Variants in C8orf34 observed in about 807,000 individuals in gnomAD.
The protein encoded by C8orf34 is uncharacterized protein C8orf34.
A neutral mutation model predicts 68.3 loss-of-function variants in C8orf34; 65 were observed. The ratio of observed to expected loss-of-function variants is 0.95; its 90% CI spans 0.78 to 1.17. The LOEUF (loss-of-function observed/expected upper bound fraction) is 1.17. C8orf34 is among the 50% of genes most tolerant of loss of function. The probability of loss-of-function intolerance (pLI) is 0.00; values close to 1 mark genes in which losing one functional copy is unlikely to be tolerated. For missense variants in C8orf34, 664 were observed against 655.4 expected (o/e 1.01, Z -0.14); for synonymous variants, 244 against 241.2 (o/e 1.01, Z -0.11).
At chr8:68,454,695 A>G (rs568981590) in intron 3 of C8orf34, among the ~76,000 whole-genome samples, 7 of 151,956 alleles carry the variant, frequency 4.6e-5, no homozygotes, top group Non-Finnish European at 1.0e-4. Context: ...CTAAAGAACC[A>G]ACTTTTGGTT....
At chr8:68,496,883 A>G (rs1813547154) in intron 5 of C8orf34, among the ~76,000 whole-genome samples, 1 of 152,142 alleles carries the variant, frequency 6.6e-6, no homozygotes, top group Non-Finnish European at 1.5e-5. Flanking sequence ...CTACATGTGC[A>G]TTATATGATA....
At chr8:68,505,561 C>T (rs1215517716) in intron 5 of C8orf34, among the ~76,000 whole-genome samples, 1 of 120,646 alleles carries the variant, frequency 8.3e-6, no homozygotes, top group Non-Finnish European at 1.6e-5. Context: ...GAAACCCCGT[C>T]TCTACCAAAA....
chr8:68,746,651 C>A (rs2129527453), intron 10 of C8orf34, among the ~76,000 whole-genome samples: 1 of 148,794 alleles, frequency 6.7e-6, no homozygotes, highest in South Asian at 2.2e-4. Context: ...GGATAAATTC[C>A]TCGACACATA....
At chr8:68,664,472 T>C (rs1488768808) in intron 8 of C8orf34, among the ~76,000 whole-genome samples, 1 of 152,206 alleles carries the variant, frequency 6.6e-6, no homozygotes, top group African/African-American at 2.4e-5. Context: ...TACCCATACA[T>C]CCATTCTATT....
intron 10 of C8orf34, among the ~76,000 whole-genome samples, chr8:68,761,039 T>C (rs113385190): frequency 0.012 from 1,791 of 152,330 alleles, 11 homozygotes; most frequent in Middle Eastern, 0.02. Flanking sequence ...ATATGCCTGG[T>C]CTATAGCCGG....
At chr8:68,673,446 C>T (rs1307156714) in intron 8 of C8orf34, among the ~76,000 whole-genome samples, 3 of 152,104 alleles carry the variant, frequency 2.0e-5, no homozygotes, top group African/African-American at 7.2e-5. Context: ...CCATTCACCA[C>T]AAGCTGATGG....
rs1224990623 is a variant in C8orf34, at chr8:68,815,946, G to A, written c.1609+1G>A. 6.2e-7 allele frequency: 1 copy of A among 1,613,644 alleles called. No homozygotes were observed. The highest frequency in any genetic ancestry group is 1.1e-5 in the South Asian group (1 of 91,066). On this transcript the variant is annotated splice_donor_variant, in intron 13 of 13. Coordinates refer to ENST00000518698, the MANE Select transcript of C8orf34 (RefSeq NM_052958.4). LOFTEE classifies it high-confidence loss of function. ...TCTTGTCCTACGCTGGTCTACTCTG[G>A]TATGTTTGCTCAGGGCACTTAATAT...
chr8:68,535,182 G>C (rs1243939409), intron 7 of C8orf34: 1 of 984,262 alleles, frequency 1.0e-6, no homozygotes, highest in African/African-American at 1.7e-5. Context: ...GTCTATTTCA[G>C]AAAAATATAA....
chr8:68,658,039 A>G (rs772321734), intron 8 of C8orf34, among the ~76,000 whole-genome samples: 13 of 152,118 alleles, frequency 8.5e-5, no homozygotes, highest in Admixed American at 6.5e-5. Flanking sequence ...GGGCATTTTG[A>G]TCATGTTATC....
chr8:68,615,849 A>G (rs1445440554), intron 7 of C8orf34, among the ~76,000 whole-genome samples: 2 of 151,822 alleles, frequency 1.3e-5, no homozygotes, highest in Non-Finnish European at 1.5e-5. Context: ...TGATTGGAAT[A>G]GTTTCAGAAG....
At chr8:68,538,591 C>T (rs1815579378) in intron 7 of C8orf34, among the ~76,000 whole-genome samples, 1 of 150,712 alleles carries the variant, frequency 6.6e-6, no homozygotes, top group Non-Finnish European at 1.5e-5. Flanking sequence ...TTGTATGCTA[C>T]AGACAAAGGA....
At chr8:68,590,064 AAAAG>A (rs1209766792) in intron 7 of C8orf34, among the ~76,000 whole-genome samples, 2 of 151,208 alleles carry the variant, frequency 1.3e-5, no homozygotes, top group East Asian at 2.0e-4. Flanking sequence ...AGAAAACAAG[AAAAG>A]AAAGAAAGGA....
chr8:68,663,836 A>G (rs1271164712), intron 8 of C8orf34, among the ~76,000 whole-genome samples: 1 of 152,232 alleles, frequency 6.6e-6, no homozygotes. Flanking sequence ...GATTGTAACC[A>G]AGTCCAAAAT....
At chr8:68,681,446 G>A (rs1820367958) in intron 8 of C8orf34, among the ~76,000 whole-genome samples, 1 of 152,092 alleles carries the variant, frequency 6.6e-6, no homozygotes, top group Non-Finnish European at 1.5e-5. Context: ...AGAAATGTGA[G>A]TCAATCTACA....
chr8:68,384,618 T>TG (rs1194959476), intron 1 of C8orf34, among the ~76,000 whole-genome samples: 1 of 152,214 alleles, frequency 6.6e-6, no homozygotes, highest in Non-Finnish European at 1.5e-5. Context: ...CATAAGGGCA[T>TG]GGTTTGCCCT....
At chr8:68,673,309 C>A (rs1820075971) in intron 8 of C8orf34, among the ~76,000 whole-genome samples, 2 of 151,696 alleles carry the variant, frequency 1.3e-5, no homozygotes, top group Admixed American at 1.3e-4. Flanking sequence ...ATTGTGGACC[C>A]CAAGTAGACC....
At chr8:68,719,564 T>C (rs1283807040) in intron 9 of C8orf34, among the ~76,000 whole-genome samples, 1 of 151,956 alleles carries the variant, frequency 6.6e-6, no homozygotes, top group Non-Finnish European at 1.5e-5. Flanking sequence ...GTGCTTGCCA[T>C]ATAGTATTTG....
At position 68,613,127 on chromosome 8, in the gene C8orf34, A is replaced by T. The variant is rs1306194021; in HGVS notation, c.1106-27249A>T. Among the ~76,000 whole-genome samples, 7 of 152,264 alleles carry T rather than the reference A, an allele frequency of 4.6e-5. No homozygotes were observed. The East Asian group carries it at 1.4e-3, about 29-fold the overall frequency. On this transcript the variant is annotated intron_variant, in intron 7 of 13. Transcript: ENST00000518698. ...AGATGCAGTATTACTGAACACACAT[A>T]GCTGGTGGGTTTCAGTGAGATTAAA...
chr8:68,454,766 A>G (rs927633142), intron 3 of C8orf34, among the ~76,000 whole-genome samples: 1 of 151,716 alleles, frequency 6.6e-6, no homozygotes, highest in Admixed American at 6.6e-5. Context: ...TTTAACCTTT[A>G]CTATTTTCAT....
Sources: gnomAD v4.1 joint callset for allele counts (sites outside exome capture counted in the v4.1 genomes callset) on GRCh38, gnomAD v4.1.1 for gene constraint, MANE v1.5 for transcripts, NCBI Gene and HGNC (gene_info 2026-07-23, HGNC 2026-07-21) for gene names.